The following ANO5 variants were observed in gnomAD, a reference collection of about 807,000 sequenced individuals.
ANO5 encodes anoctamin-5.
Under a neutral mutation model 121.0 loss-of-function variants are expected in ANO5, and 109 were observed. That is an observed-to-expected ratio of 0.90 (90% CI 0.77 to 1.06). The LOEUF (loss-of-function observed/expected upper bound fraction) is 1.06, where lower values mean the gene tolerates loss of function less well. Ranked by LOEUF, ANO5 falls within the 50% of genes least tolerant of loss-of-function variation. ANO5 has a pLI of 0.00. For synonymous variants in ANO5, 406 were observed against 359.9 expected (o/e 1.13, Z -1.45); for missense variants, 1,064 against 1,078.5 (o/e 0.99, Z 0.19).
chr11:22,193,937 A>G (rs1488763031), intron 1 of ANO5, among the ~76,000 whole-genome samples: 1 of 152,212 alleles, frequency 6.6e-6, no homozygotes, highest in East Asian at 1.9e-4. Flanking sequence ...TATAGAGTGC[A>G]AGACAGCTAT....
chr11:22,223,623 A>G (rs2133597701), intron 5 of ANO5, among the ~76,000 whole-genome samples: 1 of 152,152 alleles, frequency 6.6e-6, no homozygotes, highest in African/African-American at 2.4e-5. Flanking sequence ...CCCAGACACT[A>G]GGACCAACCT....
At chr11:22,279,091 T>A (rs1206523280) in intron 21 of ANO5, among the ~76,000 whole-genome samples, 13 of 151,742 alleles carry the variant, frequency 8.6e-5, no homozygotes, top group Non-Finnish European at 1.5e-5. Context: ...CCTCTTGTTT[T>A]CAACTCCAAC....
chr11:22,214,929 AT>A (rs1168372305), intron 3 of ANO5, among the ~76,000 whole-genome samples: 1 of 151,986 alleles, frequency 6.6e-6, no homozygotes, highest in Non-Finnish European at 1.5e-5. Flanking sequence ...GCAATTTAAA[AT>A]TCTATTTGAA....
At position 22,255,504 on chromosome 11, in the gene ANO5, A is replaced by G. The variant is rs764893392; in HGVS notation, c.1314A>G (p.Lys438=). The change falls in exon 13 of 22, where the codon AAA becomes AAG. Residue 438 remains lysine (K), a synonymous_variant. Coordinates refer to ENST00000324559, the MANE Select transcript of ANO5 (RefSeq NM_213599.3). ...PEFEAMCKHR[K]LNAVTKEMEP... The stretch of plus-strand genomic sequence containing the variant: ...TTGAAGCTATGTGTAAACACAGGAA[A>G]TTGAATGCAGTGACTAAGGTAGACT... The G allele has an allele frequency of 1.7e-5, 27 of 1,613,426 alleles. No homozygotes were observed. Among genetic ancestry groups the G allele is most frequent in the Admixed American group, 1.0e-4 (6 of 59,998 alleles).
chr11:22,226,349 C>A (rs1410408997), intron 6 of ANO5, among the ~76,000 whole-genome samples: 2 of 152,112 alleles, frequency 1.3e-5, no homozygotes, highest in African/African-American at 4.8e-5. Context: ...TGCCTATAAT[C>A]TGGTACCCTA....
At chr11:22,265,852 A>G (rs1854341618) in intron 17 of ANO5, among the ~76,000 whole-genome samples, 1 of 152,168 alleles carries the variant, frequency 6.6e-6, no homozygotes, top group Admixed American at 6.5e-5. Context: ...TACAAACTAT[A>G]TTAATCAAGA....
In ANO5 at chr11:22,203,814, CAAT is replaced by C. The variant is rs757009141; in HGVS notation, c.54_56del (p.Asn18del). The C allele has an allele frequency of 6.8e-7, 1 of 1,471,078 alleles. No homozygotes were observed. The highest frequency in any genetic ancestry group is 1.1e-5 in the South Asian group (1 of 87,588). The allele number at this position is 1,471,078 out of a possible 1,614,324, so 91.1% of individuals were successfully genotyped here. On this transcript the variant is annotated inframe_deletion, in exon 2 of 22. Coordinates refer to ENST00000324559, the MANE Select transcript of ANO5 (RefSeq NM_213599.3). ...TCTTATTTAATTTAGGGGAAAAAGT[CAAT>C]AAGCATATAGACTACTCTTTCCAAA...
intron 21 of ANO5, among the ~76,000 whole-genome samples, chr11:22,278,952 TATA>T (rs938312806): frequency 6.6e-6 from 1 of 151,666 alleles, no homozygotes; most frequent in African/African-American, 2.4e-5. Context: ...AGCTTTGTGG[TATA>T]ATTTCTGCAG....
chr11:22,259,224 C>T (rs1195100695), intron 14 of ANO5, among the ~76,000 whole-genome samples: 1 of 151,964 alleles, frequency 6.6e-6, no homozygotes, highest in African/African-American at 2.4e-5. Context: ...CAGGATTTGG[C>T]TTTCTACTAT....
chr11:22,223,593 A>G lies in ANO5; in HGVS notation c.294+2383A>G, dbSNP rs75395808. Among the ~76,000 whole-genome samples the G allele has an allele frequency of 0.015, 2,235 of 152,100 alleles. 155 individuals carry two copies. In the East Asian group the frequency reaches 0.21, roughly 15 times the overall value. ...TCTTATCAGTTCTGGGAGTGGAGGG[A>G]ACTCTTCAGAAAAGCAAGTCCCAGA... On this transcript the variant is annotated intron_variant, in intron 5 of 21. Coordinates refer to ENST00000324559, the MANE Select transcript of ANO5 (RefSeq NM_213599.3).
intron 21 of ANO5, among the ~76,000 whole-genome samples, chr11:22,277,192 CACAG>C (rs1854887640): frequency 6.6e-6 from 1 of 151,542 alleles, no homozygotes. Flanking sequence ...CACACACCCA[CACAG>C]ACAGAAAGAG....
chr11:22,270,441 A>C lies in ANO5; in HGVS notation c.2028A>C (p.Thr676=), dbSNP rs1330908283. 6.2e-7 allele frequency: 1 copy of C among 1,614,106 alleles called. No homozygotes were observed. Among genetic ancestry groups the C allele is most frequent in the Non-Finnish European group, 8.5e-7 (1 of 1,179,990 alleles). The change falls in exon 18 of 22, where the codon ACA becomes ACC. Residue 676 remains threonine, a splice_region_variant and synonymous_variant. Transcript: ENST00000324559. The part of the protein sequence containing the change: ...PLGLFYEYLE[T]VTQFGFVTLF... ...GGCTTTTCTATGAGTACTTAGAAAC[A>C]GGTAATTTTTAACCACTGTTTTGAA...
chr11:22,197,832 G>C (rs1015253739), intron 1 of ANO5, among the ~76,000 whole-genome samples: 2 of 152,124 alleles, frequency 1.3e-5, no homozygotes, highest in African/African-American at 4.8e-5. Flanking sequence ...CTGGAATCTA[G>C]CCCGCAGGGA....
chr11:22,225,222 C>T (rs115627555), intron 5 of ANO5, among the ~76,000 whole-genome samples: 3,165 of 152,084 alleles, frequency 0.021, 109 homozygotes, highest in African/African-American at 0.073. Flanking sequence ...CTTTGGCAGG[C>T]TAAGGCGGGA....
chr11:22,193,594 GCGGCGCAGAGGC>G, intron 1 of ANO5, 62 bp downstream of exon 1: 1 of 1,573,676 alleles, frequency 6.4e-7, no homozygotes, highest in Non-Finnish European at 8.6e-7. Flanking sequence ...CCCTCCACCC[GCGGCGCAGAGGC>G]CCCGGGGGAC....
At chr11:22,224,831 AAATG>A (rs1164208267) in intron 5 of ANO5, among the ~76,000 whole-genome samples, 2 of 152,126 alleles carry the variant, frequency 1.3e-5, no homozygotes, top group Admixed American at 6.6e-5. Context: ...GCCATTGAAA[AAATG>A]AAATACTATC....
chr11:22,272,400 T>G (rs7126673), intron 18 of ANO5, among the ~76,000 whole-genome samples: 39,549 of 148,374 alleles, frequency 0.27, 9,623 homozygotes, highest in African/African-American at 0.66. Context: ...ATCTCAAAAA[T>G]TAGATGGGCT....
At chr11:22,217,541 A>G (rs1358233878) in intron 3 of ANO5, among the ~76,000 whole-genome samples, 3 of 151,976 alleles carry the variant, frequency 2.0e-5, no homozygotes, top group Non-Finnish European at 2.9e-5. Context: ...TTAACAAAAT[A>G]TCTATTTTAC....
Position 22,221,113 on chromosome 11 carries a change from A to G in ANO5, c.197A>G (p.Gln66Arg), listed in dbSNP as rs1852632637. ...CTCCTGCAGTTTCAAAAAAATCAGC[A>G]AAGCAAAGATTCTATCTTCTTCCGA... ...RRRLMFQKNQ[Q>R]SKDSIFFRDG... Residue 66 changes from glutamine to arginine, a missense_variant, in exon 5 of 22, where the codon CAA (glutamine) becomes CGA (arginine). By Grantham distance (43) the Gln-to-Arg change is conservative (BLOSUM62 1). Coordinates refer to ENST00000324559, the MANE Select transcript of ANO5 (RefSeq NM_213599.3). 6.2e-7 allele frequency: 1 copy of G among 1,611,518 alleles called. No homozygotes were observed.
Sources: gnomAD v4.1 joint callset for allele counts (sites outside exome capture counted in the v4.1 genomes callset) on GRCh38, gnomAD v4.1.1 for gene constraint, MANE v1.5 for transcripts, NCBI Gene and HGNC (gene_info 2026-07-23, HGNC 2026-07-21) for gene names.